Variants in CCDC85A observed in about 807,000 individuals in gnomAD.
The protein encoded by CCDC85A is coiled-coil domain-containing protein 85A.
In CCDC85A, 38 loss-of-function variants were observed where a neutral mutation model predicts 50.2. That is an observed-to-expected ratio of 0.76 (90% CI 0.58 to 0.99). CCDC85A has a LOEUF of 0.99. Ranked by LOEUF, CCDC85A falls within the 50% of genes least tolerant of loss-of-function variation. CCDC85A has a pLI of 0.00. For missense variants in CCDC85A, 820 were observed against 742.0 expected, an observed-to-expected ratio of 1.11 and a Z score of -1.22; for synonymous variants, 366 against 301.4, an observed-to-expected ratio of 1.21 and a Z score of -2.22.
In CCDC85A at chr2:56,229,568, G is replaced by A. The variant is rs75718547; in HGVS notation, c.1240+36128G>A. On this transcript the variant is annotated intron_variant, in intron 2 of 5. Transcript: ENST00000407595. The stretch of plus-strand genomic sequence containing the variant: ...GAGAAAAAGATAACTGAAAACGAAA[G>A]GAGAGAAAGAAAAACAGAAAAAGGA... Among the ~76,000 whole-genome samples the A allele has an allele frequency of 8.5e-5, 13 of 152,198 alleles. No homozygotes were observed. The East Asian group carries it at 2.1e-3, about 25-fold the overall frequency.
chr2:56,236,302 C>T (rs1045890510), intron 2 of CCDC85A, among the ~76,000 whole-genome samples: 2 of 152,104 alleles, frequency 1.3e-5, no homozygotes, highest in African/African-American at 4.8e-5. Flanking sequence ...AGAGAAGCAA[C>T]ACAATCATGG....
At chr2:56,285,747 T>C (rs985049012) in intron 2 of CCDC85A, among the ~76,000 whole-genome samples, 6 of 151,854 alleles carry the variant, frequency 4.0e-5, no homozygotes, top group Non-Finnish European at 7.4e-5. Context: ...TGCCTTTAAA[T>C]AGTTTTCTTT....
At chr2:56,307,683 C>T (rs1427040783) in intron 2 of CCDC85A, among the ~76,000 whole-genome samples, 5 of 152,140 alleles carry the variant, frequency 3.3e-5, no homozygotes. Context: ...GAAACTGAGG[C>T]TCAGGGAGAT....
intron 3 of CCDC85A, among the ~76,000 whole-genome samples, chr2:56,343,943 G>T (rs909015068): frequency 4.6e-5 from 7 of 152,090 alleles, no homozygotes; most frequent in Non-Finnish European, 1.0e-4. Context: ...TTTTGTTTTT[G>T]AACTACTTTT....
intron 2 of CCDC85A, among the ~76,000 whole-genome samples, chr2:56,327,702 G>T (rs893042433): frequency 5.9e-5 from 9 of 151,922 alleles, no homozygotes; most frequent in Non-Finnish European, 8.8e-5. Flanking sequence ...ATAGAGATCT[G>T]TAGGAATACA....
chr2:56,329,738 A>G (rs962973723), intron 2 of CCDC85A, among the ~76,000 whole-genome samples: 4 of 152,094 alleles, frequency 2.6e-5, no homozygotes, highest in Admixed American at 1.3e-4. Context: ...TGAATTCCCA[A>G]TTGATTAAGT....
intron 1 of CCDC85A, among the ~76,000 whole-genome samples, chr2:56,189,263 A>G (rs1028482961): frequency 2.0e-5 from 3 of 149,150 alleles, no homozygotes; most frequent in Non-Finnish European, 4.4e-5. Flanking sequence ...ATTGATAAAC[A>G]GGAGAGGCAA....
Position 56,184,115 on chromosome 2 carries a change from C to T in CCDC85A, c.-510C>T. On this transcript the variant is annotated 5_prime_UTR_variant, in exon 1 of 6. Coordinates refer to ENST00000407595, the MANE Select transcript of CCDC85A (RefSeq NM_001080433.2). ...AGCCGCGGCGGCGTCGCTAGAGCAG[C>T]CGGGGAGGCGCCGCGGTGCCCGGCG... 5.1e-6 allele frequency: 5 copies of T among 975,482 alleles called. No homozygotes were observed. The highest frequency in any genetic ancestry group is 6.1e-6 in the Non-Finnish European group (5 of 820,934). The allele number at this position is 975,482 out of a possible 1,614,324, so 60.4% of individuals were successfully genotyped here.
At chr2:56,242,356 T>G (rs1669300583) in intron 2 of CCDC85A, among the ~76,000 whole-genome samples, 1 of 152,086 alleles carries the variant, frequency 6.6e-6, no homozygotes, top group African/African-American at 2.4e-5. Flanking sequence ...AGCATTGTGC[T>G]TGCATCTGCT....
At chr2:56,344,413 C>T (rs1299581719) in intron 3 of CCDC85A, among the ~76,000 whole-genome samples, 3 of 152,116 alleles carry the variant, frequency 2.0e-5, no homozygotes, top group Non-Finnish European at 4.4e-5. Flanking sequence ...ATGAGATTTC[C>T]TCACACTACT....
intron 2 of CCDC85A, among the ~76,000 whole-genome samples, chr2:56,271,094 C>T (rs1329834856): frequency 1.3e-5 from 2 of 152,300 alleles, no homozygotes; most frequent in East Asian, 3.9e-4. Context: ...TGCAACTGAA[C>T]CCAGATCAGT....
chr2:56,190,421 A>G (rs1242324678), intron 1 of CCDC85A, among the ~76,000 whole-genome samples: 1 of 152,220 alleles, frequency 6.6e-6, no homozygotes. Flanking sequence ...TTCTCCATAC[A>G]CAGAAGTACA....
chr2:56,378,807 T>C (rs1394769437), intron 5 of CCDC85A, among the ~76,000 whole-genome samples: 1 of 152,232 alleles, frequency 6.6e-6, no homozygotes, highest in Admixed American at 6.5e-5. Context: ...AACATCAGCA[T>C]TGTCCGTGAT....
intron 2 of CCDC85A, among the ~76,000 whole-genome samples, chr2:56,281,017 A>G (rs1171546629): frequency 2.6e-5 from 4 of 152,182 alleles, no homozygotes; most frequent in South Asian, 2.1e-4. Flanking sequence ...GGCCAAGAGT[A>G]TGTCCACGTA....
chr2:56,261,124 C>G (rs1390796317), intron 2 of CCDC85A, among the ~76,000 whole-genome samples: 1 of 152,128 alleles, frequency 6.6e-6, no homozygotes, highest in Non-Finnish European at 1.5e-5. Flanking sequence ...TTTACAAAGC[C>G]TCTTGGAGAA....
intron 3 of CCDC85A, among the ~76,000 whole-genome samples, chr2:56,370,230 A>C (rs1676004156): frequency 6.6e-6 from 1 of 152,140 alleles, no homozygotes; most frequent in African/African-American, 2.4e-5. Context: ...TTAACGACTG[A>C]ATTACTGAAG....
chr2:56,329,945 G>GGT (rs1673688212), intron 2 of CCDC85A, among the ~76,000 whole-genome samples: 1 of 44,118 alleles, frequency 2.3e-5, no homozygotes, highest in Non-Finnish European at 4.8e-5. Flanking sequence ...CAGATTTCCT[G>GGT]TTTTTTTTTT....
At chr2:56,361,559 T>C (rs1675528089) in intron 3 of CCDC85A, among the ~76,000 whole-genome samples, 1 of 152,114 alleles carries the variant, frequency 6.6e-6, no homozygotes, top group Non-Finnish European at 1.5e-5. Context: ...AGTACGATAA[T>C]ATTTAGAAAA....
chr2:56,256,807 A>G lies in CCDC85A; in HGVS notation c.1240+63367A>G, dbSNP rs576936066. On this transcript the variant is annotated intron_variant, in intron 2 of 5. Transcript: ENST00000407595. ...ACTTCAGAAGTTGTGAAAAGTCTGA[A>G]CAGCCCTGCAGACTCGTCTGAAAAG... 2.6e-5 allele frequency among the ~76,000 whole-genome samples: 4 copies of G among 152,346 alleles called. No homozygotes were observed. In the South Asian group the frequency reaches 8.3e-4, roughly 32 times the overall value.
Sources: allele counts gnomAD v4.1 joint callset (sites outside exome capture counted in the v4.1 genomes callset), GRCh38; gene constraint gnomAD v4.1.1; transcripts MANE v1.5; gene names NCBI Gene and HGNC (gene_info 2026-07-23, HGNC 2026-07-21).